MAML3: variants seen among roughly 807,000 people sequenced by gnomAD.
MAML3 encodes mastermind like transcriptional coactivator 3.
MAML3 carries 27 observed loss-of-function variants against 101.9 expected under a neutral mutation model. The ratio of observed to expected loss-of-function variants is 0.27; its 90% CI spans 0.20 to 0.37. The LOEUF is 0.37. Ranked by LOEUF, MAML3 falls within the 10% of genes least tolerant of loss-of-function variation. The pLI, the probability that MAML3 is intolerant of heterozygous loss-of-function variation, is 1.00. For missense variants in MAML3, 1,316 were observed against 1,444.9 expected (o/e 0.91, Z 1.45); for synonymous variants, 501 against 555.9 (o/e 0.90, Z 1.39).
At chr4:139,786,747 T>A (rs2111086015) in intron 2 of MAML3, among the ~76,000 whole-genome samples, 1 of 152,318 alleles carries the variant, frequency 6.6e-6, no homozygotes, top group East Asian at 1.9e-4. Flanking sequence ...AGTAGTTACT[T>A]ATATTTGGGA....
intron 1 of MAML3, among the ~76,000 whole-genome samples, chr4:139,980,185 G>A (rs1346450280): frequency 6.6e-6 from 1 of 152,158 alleles, no homozygotes; most frequent in African/African-American, 2.4e-5. Flanking sequence ...CTTGAGGCCT[G>A]GCTTCTGGGA....
chr4:140,137,731 G>T (rs1251476110), intron 1 of MAML3, among the ~76,000 whole-genome samples: 4 of 152,180 alleles, frequency 2.6e-5, no homozygotes, highest in Non-Finnish European at 5.9e-5. Context: ...TCCATATATG[G>T]TGGTCCCCAC....
intron 2 of MAML3, among the ~76,000 whole-genome samples, chr4:139,737,424 G>T (rs1419571705): frequency 2.0e-5 from 3 of 151,808 alleles, no homozygotes; most frequent in Non-Finnish European, 4.4e-5. Flanking sequence ...GGTCTAAATT[G>T]AGCGGACCAC....
intron 1 of MAML3, among the ~76,000 whole-genome samples, chr4:139,957,259 G>A (rs1733931745): frequency 6.6e-6 from 1 of 152,186 alleles, no homozygotes; most frequent in Non-Finnish European, 1.5e-5. Flanking sequence ...AACATGATTG[G>A]CATTCTTACT....
chr4:139,802,401 T>C (rs1234424907), intron 2 of MAML3, among the ~76,000 whole-genome samples: 1 of 152,170 alleles, frequency 6.6e-6, no homozygotes, highest in Non-Finnish European at 1.5e-5. Flanking sequence ...TGTTCACTGT[T>C]TTCCCATGAG....
chr4:139,898,028 T>C (rs577049419), intron 1 of MAML3, among the ~76,000 whole-genome samples: 1 of 152,342 alleles, frequency 6.6e-6, no homozygotes, highest in African/African-American at 2.4e-5. Flanking sequence ...CAATTCAGTT[T>C]AGACATTACC....
chr4:140,114,869 C>T (rs909089567), intron 1 of MAML3, among the ~76,000 whole-genome samples: 1 of 152,180 alleles, frequency 6.6e-6, no homozygotes, highest in Non-Finnish European at 1.5e-5. Context: ...ACATCTAAAA[C>T]ATATTTAATA....
At chr4:139,851,586 T>TG (rs1731552376) in intron 2 of MAML3, among the ~76,000 whole-genome samples, 1 of 151,994 alleles carries the variant, frequency 6.6e-6, no homozygotes, top group Non-Finnish European at 1.5e-5. Context: ...GAGGACCATG[T>TG]TCCTACTTGG....
intron 1 of MAML3, among the ~76,000 whole-genome samples, chr4:139,969,645 T>C (rs1220006426): frequency 1.3e-5 from 2 of 152,236 alleles, no homozygotes; most frequent in Non-Finnish European, 2.9e-5. Context: ...TTAATATTCC[T>C]TAATCTTTAC....
At chr4:139,781,252 G>A (rs6839816) in intron 2 of MAML3, among the ~76,000 whole-genome samples, 32,962 of 151,866 alleles carry the variant, frequency 0.22, 3,698 homozygotes, top group African/African-American at 0.22. Flanking sequence ...ACCCACCCAC[G>A]TTTTCCTATT....
At chr4:140,077,112 C>T (rs1201440368) in intron 1 of MAML3, among the ~76,000 whole-genome samples, 1 of 151,972 alleles carries the variant, frequency 6.6e-6, no homozygotes, top group African/African-American at 2.4e-5. Context: ...GAACTCCTGA[C>T]CTCAGGTGAT....
intron 2 of MAML3, among the ~76,000 whole-genome samples, chr4:139,775,441 C>A (rs894621218): frequency 3.3e-5 from 5 of 152,024 alleles, no homozygotes; most frequent in South Asian, 2.1e-4. Context: ...CTGGCCCTTG[C>A]GGTCTAGATT....
At chr4:140,133,057 A>G (rs1728822623) in intron 1 of MAML3, 1 of 435,190 alleles carries the variant, frequency 2.3e-6, no homozygotes, top group South Asian at 1.7e-5. Flanking sequence ...AAAGGAGGGG[A>G]GAACAGAGAT....
intron 2 of MAML3, among the ~76,000 whole-genome samples, chr4:139,733,311 C>T (rs903366691): frequency 1.3e-5 from 2 of 152,070 alleles, no homozygotes; most frequent in Non-Finnish European, 2.9e-5. Context: ...TTTTCTTCAG[C>T]TTGATTTTTT....
chr4:139,755,906 T>C (rs1729639389), intron 2 of MAML3, among the ~76,000 whole-genome samples: 1 of 152,218 alleles, frequency 6.6e-6, no homozygotes, highest in South Asian at 2.1e-4. Flanking sequence ...CACTGTGGGG[T>C]CCAAAGTTGG....
At chr4:140,139,214 A>G (rs1490994720) in intron 1 of MAML3, among the ~76,000 whole-genome samples, 1 of 152,208 alleles carries the variant, frequency 6.6e-6, no homozygotes. Flanking sequence ...TGGAGGCTGC[A>G]GTGAGCTAAG....
intron 1 of MAML3, among the ~76,000 whole-genome samples, chr4:139,993,386 C>T (rs1422501205): frequency 5.9e-5 from 9 of 151,298 alleles, no homozygotes; most frequent in Admixed American, 5.3e-4. Context: ...CATATATACA[C>T]ACATATATTA....
intron 2 of MAML3, among the ~76,000 whole-genome samples, chr4:139,849,221 G>A (rs1048713594): frequency 6.6e-6 from 1 of 152,176 alleles, no homozygotes; most frequent in African/African-American, 2.4e-5. Flanking sequence ...ATTATAGAGA[G>A]CAAAACCAGA....
chr4:139,981,036 T>C (rs1403721912), intron 1 of MAML3, among the ~76,000 whole-genome samples: 1 of 152,156 alleles, frequency 6.6e-6, no homozygotes, highest in Non-Finnish European at 1.5e-5. Flanking sequence ...AATAGTATAT[T>C]AGTTTCCTAG....
Sources: gnomAD v4.1 joint callset for allele counts (sites outside exome capture counted in the v4.1 genomes callset) on GRCh38, gnomAD v4.1.1 for gene constraint, MANE v1.5 for transcripts, NCBI Gene and HGNC (gene_info 2026-07-23, HGNC 2026-07-21) for gene names.